The following NALF1 variants were observed in gnomAD, a reference collection of about 807,000 sequenced individuals.
The protein encoded by NALF1 is NALCN channel auxiliary factor 1, also known as family with sequence similarity 155 member A.
In NALF1, 3 loss-of-function variants were observed where a neutral mutation model predicts 48.4. The observed-to-expected ratio is 0.06, with a 90% confidence interval of 0.03 to 0.16. NALF1 has a LOEUF of 0.16. Among genes scored for constraint, NALF1 ranks in the 10% least tolerant of loss-of-function variants. The pLI is 1.00. For missense variants in NALF1, 526 were observed against 571.5 expected, an observed-to-expected ratio of 0.92 and a Z score of 0.81; for synonymous variants, 262 against 245.7, an observed-to-expected ratio of 1.07 and a Z score of -0.62.
chr13:107,453,525 C>T (rs898095493), intron 1 of NALF1, among the ~76,000 whole-genome samples: 3 of 152,192 alleles, frequency 2.0e-5, no homozygotes, highest in East Asian at 3.9e-4. Context: ...TAGCAAGGGG[C>T]CCCTAGGCCT....
rs541970023 is a variant in NALF1 at position 107,423,971 on chromosome 13, A to C, written c.916-213216T>G. Among the ~76,000 whole-genome samples, 11 of 152,224 alleles carry C rather than the reference A, an allele frequency of 7.2e-5. No individual in the cohort carries two copies. In the South Asian group the frequency reaches 2.3e-3, roughly 31 times the overall value. ...TTATGTGCTTGGGATGATGTGTTTC[A>C]GTAGTCCTCTACTGTAGGCTACTAG... On this transcript the variant is annotated intron_variant, in intron 1 of 2. Coordinates refer to ENST00000375915, the MANE Select transcript of NALF1 (RefSeq NM_001080396.3).
chr13:107,559,984 G>A (rs1338812084), intron 1 of NALF1, among the ~76,000 whole-genome samples: 1 of 152,092 alleles, frequency 6.6e-6, no homozygotes, highest in African/African-American at 2.4e-5. Context: ...CAAGGAAGGA[G>A]GCGGAGATCT....
At chr13:107,714,217 G>T (rs1875682393) in intron 1 of NALF1, among the ~76,000 whole-genome samples, 1 of 152,176 alleles carries the variant, frequency 6.6e-6, no homozygotes, top group Non-Finnish European at 1.5e-5. Flanking sequence ...TTCCATTTAT[G>T]GTTGAATATG....
chr13:107,192,846 C>G (rs1309512893), intron 2 of NALF1, among the ~76,000 whole-genome samples: 1 of 152,140 alleles, frequency 6.6e-6, no homozygotes, highest in Non-Finnish European at 1.5e-5. Context: ...CAATAAATAT[C>G]AAAAGGCTTA....
chr13:107,180,167 T>A (rs1467196962), intron 2 of NALF1, among the ~76,000 whole-genome samples: 1 of 151,798 alleles, frequency 6.6e-6, no homozygotes, highest in Non-Finnish European at 1.5e-5. Flanking sequence ...AAAGAACATC[T>A]ATTTTAAATC....
chr13:107,456,045 A>G (rs1401584327), intron 1 of NALF1, among the ~76,000 whole-genome samples: 1 of 152,196 alleles, frequency 6.6e-6, no homozygotes, highest in African/African-American at 2.4e-5. Flanking sequence ...ACCCAGAAGA[A>G]CAACTGCTAG....
intron 1 of NALF1, among the ~76,000 whole-genome samples, chr13:107,647,380 A>G (rs1309769690): frequency 1.3e-5 from 2 of 151,906 alleles, no homozygotes; most frequent in African/African-American, 4.8e-5. Context: ...ATTCTACTAA[A>G]TCAAAAAAGA....
chr13:107,495,503 T>C (rs1246584005), intron 1 of NALF1, among the ~76,000 whole-genome samples: 2 of 152,206 alleles, frequency 1.3e-5, no homozygotes, highest in Non-Finnish European at 2.9e-5. Flanking sequence ...ACAAATTCCA[T>C]ACAGACTATA....
intron 1 of NALF1, among the ~76,000 whole-genome samples, chr13:107,241,947 A>C (rs912740435): frequency 6.6e-6 from 1 of 152,174 alleles, no homozygotes; most frequent in Non-Finnish European, 1.5e-5. Context: ...AGCATCTCAT[A>C]AAAAAGTGCC....
chr13:107,633,692 A>G (rs539544676), intron 1 of NALF1, among the ~76,000 whole-genome samples: 2 of 141,822 alleles, frequency 1.4e-5, no homozygotes, highest in Non-Finnish European at 3.1e-5. Flanking sequence ...ACATTTGTCC[A>G]ATATTTTATT....
chr13:107,606,755 T>TCG (rs1879083589), intron 1 of NALF1, among the ~76,000 whole-genome samples: 3 of 152,208 alleles, frequency 2.0e-5, no homozygotes, highest in Admixed American at 1.3e-4. Flanking sequence ...AAAATTGGCT[T>TCG]TCAAGCTGAA....
intron 1 of NALF1, among the ~76,000 whole-genome samples, chr13:107,636,575 T>C (rs561120238): frequency 1.3e-5 from 2 of 152,300 alleles, no homozygotes; most frequent in East Asian, 3.9e-4. Context: ...TGTTCAGCTT[T>C]CTGATTGCTT....
intron 1 of NALF1, among the ~76,000 whole-genome samples, chr13:107,789,355 T>C (rs896617428): frequency 6.6e-6 from 1 of 152,230 alleles, no homozygotes; most frequent in Non-Finnish European, 1.5e-5. Flanking sequence ...TAAAAAGTAC[T>C]TCATTAATTC....
chr13:107,634,529 A>C (rs950150832), intron 1 of NALF1, among the ~76,000 whole-genome samples: 1 of 152,182 alleles, frequency 6.6e-6, no homozygotes, highest in African/African-American at 2.4e-5. Flanking sequence ...GCTTAGGAGA[A>C]GGGGAAAAGA....
At chr13:107,543,610 C>T (rs561747316) in intron 1 of NALF1, among the ~76,000 whole-genome samples, 2 of 152,106 alleles carry the variant, frequency 1.3e-5, no homozygotes, top group African/African-American at 4.8e-5. Flanking sequence ...ATAAACTCAT[C>T]ACACAGTTGA....
At chr13:107,559,956 C>T (rs369252316) in intron 1 of NALF1, among the ~76,000 whole-genome samples, 1 of 151,884 alleles carries the variant, frequency 6.6e-6, no homozygotes, top group Non-Finnish European at 1.5e-5. Context: ...ATCCACCGGC[C>T]GAGGAAGGCA....
intron 1 of NALF1, among the ~76,000 whole-genome samples, chr13:107,618,161 G>GA (rs986509071): frequency 2.6e-5 from 4 of 152,000 alleles, no homozygotes; most frequent in African/African-American, 4.8e-5. Flanking sequence ...AGACTGGCTG[G>GA]AAAAAACTCT....
At chr13:107,818,842 A>C (rs1176208365) in intron 1 of NALF1, among the ~76,000 whole-genome samples, 1 of 120,572 alleles carries the variant, frequency 8.3e-6, no homozygotes, top group African/African-American at 3.8e-5. Context: ...ACTGCACTCC[A>C]GCCTGGGCGA....
intron 1 of NALF1, among the ~76,000 whole-genome samples, chr13:107,827,323 T>C (rs1566497551): frequency 6.6e-6 from 1 of 152,350 alleles, no homozygotes; most frequent in South Asian, 2.1e-4. Context: ...TTTTCTCTTT[T>C]TCTTTTCAAC....
Sources: allele counts gnomAD v4.1 joint callset (sites outside exome capture counted in the v4.1 genomes callset), GRCh38; gene constraint gnomAD v4.1.1; transcripts MANE v1.5; gene names NCBI Gene and HGNC (gene_info 2026-07-23, HGNC 2026-07-21).